Variants in SOBP observed in about 807,000 individuals in gnomAD.
SOBP encodes the protein sine oculis binding protein homolog.
Under a neutral mutation model 53.6 loss-of-function variants are expected in SOBP, and 4 were observed. The ratio of observed to expected loss-of-function variants is 0.07; its 90% CI spans 0.04 to 0.17. SOBP has a LOEUF of 0.17. SOBP is among the 10% of genes least tolerant of loss of function. SOBP has a pLI of 1.00. For synonymous variants in SOBP, 584 were observed against 522.6 expected (o/e 1.12, Z -1.60); for missense variants, 1,088 against 1,204.7 (o/e 0.90, Z 1.43).
At chr6:107,533,937 GTAGA>G (rs1783918260) in intron 4 of SOBP, among the ~76,000 whole-genome samples, 1 of 152,136 alleles carries the variant, frequency 6.6e-6, no homozygotes, top group African/African-American at 2.4e-5. Flanking sequence ...AAGATAAGTG[GTAGA>G]TATTTCTTTA....
chr6:107,634,730 G>T lies in SOBP; in HGVS notation c.1886G>T (p.Ser629Ile). The T allele has an allele frequency of 7.6e-7, 1 of 1,322,064 alleles. No homozygotes were observed. The highest frequency in any genetic ancestry group is 9.5e-7 in the Non-Finnish European group (1 of 1,047,398). The allele number at this position is 1,322,064 out of a possible 1,614,324, so 81.9% of individuals were successfully genotyped here. The change falls in exon 6 of 7, where the codon AGC becomes ATC. Residue 629 changes from serine to isoleucine, a missense_variant. Ser to Ile is a moderately radical substitution (Grantham distance 142). Around this residue, in one of 6 missense-constraint regions of SOBP, gnomAD observed 665 missense variants for 629.7 expected, o/e 1.06. Coordinates refer to ENST00000317357, the MANE Select transcript of SOBP (RefSeq NM_018013.4). The surrounding 1 kb of genome is among the most constrained non-coding windows in gnomAD (Gnocchi z 4.5). The stretch of plus-strand genomic sequence containing the variant: ...GTGGACCTGACGCGGCGCGCCGGCA[G>T]CCCCCCGGGCCCCCCGGGCGCGGGC... ...EVVDLTRRAG[S>I]PPGPPGAGGQ...
At chr6:107,519,914 A>G (rs566656853) in intron 3 of SOBP, among the ~76,000 whole-genome samples, 1 of 152,336 alleles carries the variant, frequency 6.6e-6, no homozygotes, top group Admixed American at 6.5e-5. Context: ...TTTTCTGGGA[A>G]ACTCAGGATG....
intron 4 of SOBP, among the ~76,000 whole-genome samples, chr6:107,538,099 C>T (rs1056542448): frequency 6.6e-6 from 1 of 152,182 alleles, no homozygotes; most frequent in African/African-American, 2.4e-5. Flanking sequence ...ACAGCGATCT[C>T]TTCTTAGAAG....
Position 107,633,662 on chromosome 6 carries a change from C to T in SOBP, c.818C>T (p.Ala273Val), listed in dbSNP as rs367682419. The change falls in exon 6 of 7, where the codon GCT (alanine) becomes GTT (valine). Residue 273 changes from alanine to valine, a missense_variant. Ala to Val is a moderately conservative substitution (Grantham distance 64). Coordinates refer to ENST00000317357, the MANE Select transcript of SOBP (RefSeq NM_018013.4). Reference sequence around the variant, plus strand: ...AAAGAGACCCAGGCCAATCTTCCAGCTGGGCTGTGCAGCACATTACACCCT... The same window carrying T: ...AAAGAGACCCAGGCCAATCTTCCAGTTGGGCTGTGCAGCACATTACACCCT... ...FYKETQANLP[A>V]GLCSTLHPPM... The T allele has an allele frequency of 6.2e-7, 1 of 1,614,128 alleles. No individual in the cohort carries two copies.
At chr6:107,496,052 T>A (rs1782691456) in intron 1 of SOBP, among the ~76,000 whole-genome samples, 1 of 152,054 alleles carries the variant, frequency 6.6e-6, no homozygotes, top group South Asian at 2.1e-4. Context: ...TAAACAGACA[T>A]GAAAGCATGT....
intron 6 of SOBP, among the ~76,000 whole-genome samples, chr6:107,657,157 ACTT>A: frequency 6.6e-6 from 1 of 152,232 alleles, no homozygotes. Flanking sequence ...CAGTTGGCAG[ACTT>A]CTAAGTGGCT....
chr6:107,633,810 G>A lies in SOBP; in HGVS notation c.966G>A (p.Gln322=), dbSNP rs758733660. 5.0e-6 allele frequency: 8 copies of A among 1,614,000 alleles called. No homozygotes were observed. Among genetic ancestry groups the A allele is most frequent in the African/African-American group, 1.3e-5 (1 of 74,994 alleles). ...CGGTGGCTACAGCTGGCCAAAGCCA[G>A]GGCCCTGGCCCGTCGGCGTCCACCA... is the stretch of plus-strand genomic sequence containing the variant. ...PSPVATAGQS[Q]GPGPSASTTV... The change falls in exon 6 of 7, where the codon CAG becomes CAA. Residue 322 remains glutamine, a synonymous_variant. Coordinates refer to ENST00000317357, the MANE Select transcript of SOBP (RefSeq NM_018013.4).
At chr6:107,567,106 GTCTT>G (rs1784940907) in intron 4 of SOBP, among the ~76,000 whole-genome samples, 1 of 152,164 alleles carries the variant, frequency 6.6e-6, no homozygotes, top group South Asian at 2.1e-4. Context: ...AAAGTGCTGA[GTCTT>G]TCCTGTTTTA....
chr6:107,601,923 C>T (rs1249074756), intron 5 of SOBP, among the ~76,000 whole-genome samples: 1 of 152,170 alleles, frequency 6.6e-6, no homozygotes, highest in Non-Finnish European at 1.5e-5. Flanking sequence ...TCACCTCTGC[C>T]TACATTCTCT....
At chr6:107,539,003 G>C (rs1267003507) in intron 4 of SOBP, among the ~76,000 whole-genome samples, 1 of 152,170 alleles carries the variant, frequency 6.6e-6, no homozygotes, top group African/African-American at 2.4e-5. Flanking sequence ...CAAGGCAGAG[G>C]TTCTGCAGAC....
chr6:107,592,501 G>A (rs1036939191), intron 5 of SOBP, among the ~76,000 whole-genome samples: 8 of 152,136 alleles, frequency 5.3e-5, no homozygotes, highest in Non-Finnish European at 2.9e-5. Flanking sequence ...TCCCCTTAAT[G>A]CTTTTGGTCT....
intron 1 of SOBP, among the ~76,000 whole-genome samples, chr6:107,502,261 T>G (rs892887812): frequency 6.6e-6 from 1 of 152,192 alleles, no homozygotes; most frequent in Non-Finnish European, 1.5e-5. Context: ...AATTATATAT[T>G]GTAGTGTAAT....
intron 1 of SOBP, among the ~76,000 whole-genome samples, chr6:107,500,736 A>T (rs183356783): frequency 1.3e-5 from 2 of 151,974 alleles, no homozygotes; most frequent in South Asian, 2.1e-4. Context: ...CATGTTAGCC[A>T]GGATGGTCTC....
intron 5 of SOBP, among the ~76,000 whole-genome samples, chr6:107,602,568 T>TAAAAAAAAAAAAAAAA (rs71810335): frequency 4.1e-4 from 42 of 102,764 alleles, no homozygotes; most frequent in African/African-American, 1.5e-3. Context: ...TAAGCCGCGT[T>TAAAAAAAAAAAAAAAA]AAAAAAAAAA....
In SOBP at chr6:107,635,777, T is replaced by A. The variant is rs547103030; in HGVS notation, c.*3+308T>A. Among the ~76,000 whole-genome samples, 1 of 152,222 alleles carries A rather than the reference T, an allele frequency of 6.6e-6. No homozygotes were observed. The highest frequency in any genetic ancestry group is 2.1e-4 in the South Asian group (1 of 4,812). ...TGAAATATTGTCTCTCCAATTACAC[T>A]TTATTATCATGCTCATCTCCGTAAA... is the stretch of plus-strand genomic sequence containing the variant. On this transcript the variant is annotated intron_variant, in intron 6 of 6. Coordinates refer to ENST00000317357, the MANE Select transcript of SOBP (RefSeq NM_018013.4). The surrounding 1 kb of genome is among the most constrained non-coding windows in gnomAD (Gnocchi z 4.5).
intron 4 of SOBP, among the ~76,000 whole-genome samples, chr6:107,586,000 C>T (rs1037504444): frequency 1.3e-5 from 2 of 152,182 alleles, no homozygotes; most frequent in African/African-American, 4.8e-5. Context: ...TCAGCTGTTC[C>T]CTTGGTGCCA....
intron 4 of SOBP, among the ~76,000 whole-genome samples, chr6:107,563,782 A>G (rs1257204562): frequency 3.9e-5 from 6 of 152,068 alleles, no homozygotes; most frequent in Non-Finnish European, 4.4e-5. Context: ...GCTTGAGGGG[A>G]TGCAGCCTCA....
At chr6:107,595,322 A>T (rs1156719874) in intron 5 of SOBP, among the ~76,000 whole-genome samples, 1 of 150,638 alleles carries the variant, frequency 6.6e-6, no homozygotes, top group African/African-American at 2.4e-5. Context: ...GTGTCTTTTT[A>T]AAAGTCTGAC....
At chr6:107,588,061 T>G (rs1785621849) in intron 5 of SOBP, among the ~76,000 whole-genome samples, 1 of 152,238 alleles carries the variant, frequency 6.6e-6, no homozygotes, top group South Asian at 2.1e-4. Flanking sequence ...TTGCTCCAAC[T>G]AAGTGAAAAC....
Sources: allele counts gnomAD v4.1 joint callset (sites outside exome capture counted in the v4.1 genomes callset), GRCh38; gene constraint gnomAD v4.1.1; regional missense constraint gnomAD v4.1.1; non-coding constraint Gnocchi (gnomAD v3.1); transcripts MANE v1.5; gene names NCBI Gene and HGNC (gene_info 2026-07-23, HGNC 2026-07-21).